CTNNA1: variants seen among roughly 807,000 people sequenced by gnomAD.
CTNNA1 encodes the protein catenin alpha-1.
In CTNNA1, 37 loss-of-function variants were observed where a neutral mutation model predicts 98.4. The observed-to-expected ratio is 0.38, with a 90% CI of 0.29 to 0.49. The LOEUF (loss-of-function observed/expected upper bound fraction) is 0.49. Among genes scored for constraint, CTNNA1 ranks in the 20% least tolerant of loss-of-function variants. The pLI is 0.95. For missense variants in CTNNA1, 761 were observed against 1,147.2 expected, an observed-to-expected ratio of 0.66 and a Z score of 4.86; for synonymous variants, 404 against 413.2, an observed-to-expected ratio of 0.98 and a Z score of 0.27.
chr5:138,841,068 A>G (rs1396299326), intron 7 of CTNNA1, among the ~76,000 whole-genome samples: 6 of 152,100 alleles, frequency 3.9e-5, no homozygotes, highest in Non-Finnish European at 8.8e-5. Context: ...TTTGGTTGAT[A>G]TATTTCTCAG....
intron 1 of CTNNA1, among the ~76,000 whole-genome samples, chr5:138,778,215 C>T (rs559588808): frequency 3.9e-5 from 6 of 151,936 alleles, no homozygotes; most frequent in South Asian, 2.1e-4. Context: ...AGGATGGTTT[C>T]GATCTCCTGA....
At chr5:138,825,118 G>A (rs1244675486) in intron 6 of CTNNA1, among the ~76,000 whole-genome samples, 2 of 152,120 alleles carry the variant, frequency 1.3e-5, no homozygotes, top group African/African-American at 4.8e-5. Context: ...CAGATGTGAA[G>A]CTATGGTAGA....
At chr5:138,872,689 G>A (rs1428957644) in intron 7 of CTNNA1, 1 of 194,410 alleles carries the variant, frequency 5.1e-6, no homozygotes, top group East Asian at 1.2e-4. Context: ...ATTGTTTTCA[G>A]TAGAAAAAAA....
At chr5:138,823,377 A>C (rs558387429) in intron 5 of CTNNA1, among the ~76,000 whole-genome samples, 1 of 152,334 alleles carries the variant, frequency 6.6e-6, no homozygotes, top group South Asian at 2.1e-4. Flanking sequence ...GGGTAGAAGA[A>C]ATGAAAAAAA....
At chr5:138,761,131 T>C (rs1441936068) in intron 1 of CTNNA1, among the ~76,000 whole-genome samples, 2 of 152,222 alleles carry the variant, frequency 1.3e-5, no homozygotes, top group African/African-American at 2.4e-5. Flanking sequence ...AAGTAAATAA[T>C]ATTTTGTACT....
chr5:138,821,825 CTATTATGTTGCTTAATAGG>C (rs1760079716), intron 5 of CTNNA1, among the ~76,000 whole-genome samples: 9 of 152,110 alleles, frequency 5.9e-5, no homozygotes, highest in Admixed American at 5.9e-4. Context: ...TGTAAATAAT[CTATTATGTTGCTTAATAGG>C]TCACTTTCCT....
chr5:138,811,067 C>T (rs1358623838), intron 4 of CTNNA1, among the ~76,000 whole-genome samples: 1 of 152,152 alleles, frequency 6.6e-6, no homozygotes, highest in African/African-American at 2.4e-5. Flanking sequence ...GGAGACGCTC[C>T]TCACTTCCCA....
chr5:138,827,519 A>G lies in CTNNA1; in HGVS notation c.863A>G (p.Gln288Arg), dbSNP rs1300943167. 1 of 1,614,234 alleles carries G rather than the reference A, an allele frequency of 6.2e-7. No homozygotes were observed. The highest frequency in any genetic ancestry group is 8.5e-7 in the Non-Finnish European group (1 of 1,180,042). Reference protein sequence around the residue: ...LAYALNNFDKQIIVDPLSFSE... With the variant: ...LAYALNNFDKRIIVDPLSFSE... ...TCGGTAATACTTTCTCTGCAGAAAC[A>G]AATCATTGTGGACCCCTTGAGCTTC... The change falls in exon 7 of 18, where the codon CAA becomes CGA. Residue 288 changes from glutamine (Q) to arginine (R), a missense_variant. This residue lies in a region of CTNNA1 where 328 missense variants were observed against 354.3 expected (regional missense o/e 0.93). Transcript: ENST00000302763.
chr5:138,915,078 T>G (rs1561728060), intron 10 of CTNNA1, among the ~76,000 whole-genome samples: 1 of 151,856 alleles, frequency 6.6e-6, no homozygotes, highest in African/African-American at 2.4e-5. Flanking sequence ...ACCTGGGAGG[T>G]GGAGGTTGCA....
intron 9 of CTNNA1, among the ~76,000 whole-genome samples, chr5:138,888,132 C>T (rs1414260791): frequency 6.6e-6 from 1 of 152,186 alleles, no homozygotes; most frequent in Non-Finnish European, 1.5e-5. Context: ...GAGACATAGA[C>T]TCAGACCAGT....
intron 3 of CTNNA1, among the ~76,000 whole-genome samples, chr5:138,789,159 A>G (rs1216752011): frequency 1.4e-5 from 2 of 143,472 alleles, no homozygotes; most frequent in African/African-American, 5.3e-5. Flanking sequence ...ATGGTATTCT[A>G]GCACATAGGA....
chr5:138,904,666 T>C, intron 10 of CTNNA1: 1 of 546,472 alleles, frequency 1.8e-6, no homozygotes, highest in East Asian at 3.2e-5. Flanking sequence ...TCATTGAAAA[T>C]GCACAGTGGG....
chr5:138,792,111 CTG>C (rs1756445571), intron 3 of CTNNA1, among the ~76,000 whole-genome samples: 2 of 152,002 alleles, frequency 1.3e-5, no homozygotes, highest in East Asian at 1.9e-4. Flanking sequence ...TTGTGTATAA[CTG>C]TGTAGTGAAG....
At chr5:138,913,380 T>TC (rs1044593534) in intron 10 of CTNNA1, among the ~76,000 whole-genome samples, 1 of 152,118 alleles carries the variant, frequency 6.6e-6, no homozygotes, top group Non-Finnish European at 1.5e-5. Context: ...GGTTGGGAGT[T>TC]CCAGACCAGC....
intron 13 of CTNNA1, among the ~76,000 whole-genome samples, chr5:138,926,668 T>G (rs1366358286): frequency 6.6e-6 from 1 of 152,120 alleles, no homozygotes; most frequent in Non-Finnish European, 1.5e-5. Flanking sequence ...CCCAGCTTCT[T>G]CACCCCCTGC....
intron 7 of CTNNA1, among the ~76,000 whole-genome samples, chr5:138,882,399 G>T (rs1010450471): frequency 1.3e-5 from 2 of 152,214 alleles, no homozygotes; most frequent in African/African-American, 4.8e-5. Context: ...CATTAAAGCA[G>T]TAGGAATGAC....
At chr5:138,807,513 T>G (rs1432036085) in intron 3 of CTNNA1, among the ~76,000 whole-genome samples, 1 of 152,072 alleles carries the variant, frequency 6.6e-6, no homozygotes, top group Non-Finnish European at 1.5e-5. Context: ...TTGTGTTTTC[T>G]TTCTTACAGC....
intron 1 of CTNNA1, among the ~76,000 whole-genome samples, chr5:138,780,250 G>A (rs1260708868): frequency 3.3e-5 from 5 of 151,654 alleles, no homozygotes; most frequent in Admixed American, 3.3e-4. Context: ...GACTGCAGTG[G>A]CGCTATCTCT....
At chr5:138,864,748 G>C (rs1457527513) in intron 7 of CTNNA1, among the ~76,000 whole-genome samples, 1 of 152,176 alleles carries the variant, frequency 6.6e-6, no homozygotes, top group Non-Finnish European at 1.5e-5. Context: ...AACCAGAGAT[G>C]TTGTATGAAA....
Sources: allele counts gnomAD v4.1 joint callset (sites outside exome capture counted in the v4.1 genomes callset), GRCh38; gene constraint gnomAD v4.1.1; regional missense constraint gnomAD v4.1.1; transcripts MANE v1.5; gene names NCBI Gene and HGNC (gene_info 2026-07-23, HGNC 2026-07-21).